Variants in GLI2 observed in about 807,000 individuals in gnomAD.
The protein encoded by GLI2 is GLI family zinc finger 2.
A neutral mutation model predicts 78.9 loss-of-function variants in GLI2; 22 were observed. That is an observed-to-expected ratio of 0.28 (90% CI 0.20 to 0.40). The LOEUF (loss-of-function observed/expected upper bound fraction) is 0.40. Ranked by LOEUF, GLI2 falls within the 10% of genes least tolerant of loss-of-function variation. The pLI is 1.00. For synonymous variants in GLI2, 974 were observed against 963.7 expected, an observed-to-expected ratio of 1.01 and a Z score of -0.20; for missense variants, 2,097 against 2,213.2, an observed-to-expected ratio of 0.95 and a Z score of 1.05.
At chr2:120,935,054 CACGA>C (rs1680127995) in intron 3 of GLI2, among the ~76,000 whole-genome samples, 1 of 152,198 alleles carries the variant, frequency 6.6e-6, no homozygotes, top group Admixed American at 6.5e-5. Context: ...ACCCGAGGTT[CACGA>C]TTCATAGAGG....
At position 120,988,649 on chromosome 2, in the gene GLI2, G is replaced by T. The variant is rs1452643743; in HGVS notation, c.2684G>T (p.Ser895Ile). 2 of 1,423,770 alleles carry T rather than the reference G, an allele frequency of 1.4e-6. No homozygotes were observed. The highest frequency in any genetic ancestry group is 2.8e-5 in the Admixed American group (1 of 36,004). The allele number at this position is 1,423,770 out of a possible 1,614,324, so 88.2% of individuals were successfully genotyped here. The change falls in exon 14 of 14, where the codon AGC becomes ATC. Residue 895 changes from serine (S) to isoleucine (I), a missense_variant. Around this residue, in one of 5 missense-constraint regions of GLI2, gnomAD observed 1,290 missense variants for 1,261.7 expected, o/e 1.02. Coordinates refer to ENST00000361492, the MANE Select transcript of GLI2 (RefSeq NM_001374353.1). ...PTPLPGLERM[S>I]LRTRLALLDA... ...CCGCTGCCGGGCCTGGAGCGCATGA[G>T]CCTGCGGACCAGGCTGGCGCTGCTG...
intron 5 of GLI2, among the ~76,000 whole-genome samples, chr2:120,968,285 A>G (rs1474681439): frequency 6.6e-6 from 1 of 152,174 alleles, no homozygotes; most frequent in Non-Finnish European, 1.5e-5. Flanking sequence ...GCCTGTGGAC[A>G]ATGGCCAAGC....
Position 120,990,334 on chromosome 2 carries a change from C to T in GLI2, c.4369C>T (p.Pro1457Ser). The change falls in exon 14 of 14, where the codon CCA (proline) becomes TCA (serine). Residue 1457 changes from proline (P) to serine (S), a missense_variant. This residue lies in a region of GLI2 where 1,290 missense variants were observed against 1,261.7 expected (regional missense o/e 1.02). Transcript: ENST00000361492. ...GSCQVMRSQP[P>S]QPQACQDSIQ... is the part of the protein sequence containing the mutation. Reference sequence around the variant, plus strand: ...CTGCCAGGTCATGCGGTCCCAGCCACCACAGCCACAGGCCTGTCAGGACAG... The same window carrying T: ...CTGCCAGGTCATGCGGTCCCAGCCATCACAGCCACAGGCCTGTCAGGACAG... The T allele has an allele frequency of 6.2e-7, 1 of 1,613,916 alleles. No homozygotes were observed. The highest frequency in any genetic ancestry group is 1.1e-5 in the South Asian group (1 of 91,088).
chr2:120,889,601 G>C (rs1024095350), intron 2 of GLI2, among the ~76,000 whole-genome samples: 7 of 152,118 alleles, frequency 4.6e-5, no homozygotes, highest in African/African-American at 1.7e-4. Context: ...CAAGGGACTA[G>C]TACATAGAAT....
intron 2 of GLI2, among the ~76,000 whole-genome samples, chr2:120,901,430 G>C (rs1007947463): frequency 1.4e-4 from 21 of 152,168 alleles, no homozygotes; most frequent in Non-Finnish European, 2.8e-4. Context: ...CATCTGTTTG[G>C]CCGGCCCATA....
chr2:120,844,077 A>G (rs1332474172), intron 2 of GLI2, among the ~76,000 whole-genome samples: 1 of 152,138 alleles, frequency 6.6e-6, no homozygotes, highest in East Asian at 1.9e-4. Context: ...TGATGTCACC[A>G]AAGAACCCTG....
At position 120,927,474 on chromosome 2, in the gene GLI2, C is replaced by G; in HGVS notation, c.254+8C>G. 6.4e-7 allele frequency: 1 copy of G among 1,573,586 alleles called. No homozygotes were observed. Among genetic ancestry groups the G allele is most frequent in the Non-Finnish European group, 8.7e-7 (1 of 1,143,156 alleles). ...TGTCCACGGTGTGCACGGGTAAGTC[C>G]TGCCCTCTGCCTGCTGCTCCTGGCG... is the stretch of plus-strand genomic sequence containing the variant. On this transcript the variant is annotated splice_region_variant and intron_variant, in intron 3 of 13. Transcript: ENST00000361492.
intron 2 of GLI2, among the ~76,000 whole-genome samples, chr2:120,863,708 T>C (rs1210015718): frequency 6.6e-6 from 1 of 152,244 alleles, no homozygotes; most frequent in Non-Finnish European, 1.5e-5. Context: ...CATTGATTTA[T>C]AATATGTCGA....
At chr2:120,836,491 C>G (rs1448188891) in intron 2 of GLI2, among the ~76,000 whole-genome samples, 2 of 152,224 alleles carry the variant, frequency 1.3e-5, no homozygotes, top group Non-Finnish European at 2.9e-5. Context: ...AGGTAATTTA[C>G]ATTATTTACA....
Position 120,988,849 on chromosome 2 carries a change from C to T in GLI2, c.2884C>T (p.Leu962=), listed in dbSNP as rs1345329176. 6.7e-6 allele frequency: 10 copies of T among 1,488,880 alleles called. No individual in the cohort carries two copies. In the Middle Eastern group the frequency reaches 7.6e-4, roughly 113 times the overall value. 92.2% of individuals were successfully genotyped at this position (1,488,880 alleles called of 1,614,324 possible). A position where few individuals can be genotyped will look rare whatever the true frequency, so the allele number is the denominator to read the frequency against. ...ASDPVRRPDA[L]SLPRVQRFHS... Reference sequence around the variant, plus strand: ...CGACCCTGTGCGGCGGCCCGATGCCCTGTCCCTGCCGCGGGTGCAGCGCTT... The same window carrying T: ...CGACCCTGTGCGGCGGCCCGATGCCTTGTCCCTGCCGCGGGTGCAGCGCTT... Residue 962 remains leucine (L), a synonymous_variant, in exon 14 of 14, where the codon CTG becomes TTG. Coordinates refer to ENST00000361492, the MANE Select transcript of GLI2 (RefSeq NM_001374353.1).
Position 120,736,302 on chromosome 2 carries a change from C to A in GLI2, c.-31+17C>A, listed in dbSNP as rs966818485. The A allele has an allele frequency of 6.6e-6, 1 of 152,016 alleles. No individual in the cohort carries two copies. The highest frequency in any genetic ancestry group is 2.4e-5 in the African/African-American group (1 of 41,390). 9.4% of individuals were successfully genotyped at this position (152,016 alleles called of 1,614,324 possible). On this transcript the variant is annotated intron_variant, in intron 1 of 13. Transcript: ENST00000361492. Reference sequence around the variant, plus strand: ...TCTCTCTCGGTAAAGTTGCATTGGCCTTCTTTTGCTTGCTTTTCGTGACGA... The same window carrying A: ...TCTCTCTCGGTAAAGTTGCATTGGCATTCTTTTGCTTGCTTTTCGTGACGA...
rs1271650636 is a variant in GLI2, at chr2:120,874,451, C to T, written c.149-52910C>T. Among the ~76,000 whole-genome samples, 4 of 152,240 alleles carry T rather than the reference C, an allele frequency of 2.6e-5. No individual in the cohort carries two copies. In the East Asian group the frequency reaches 7.7e-4, roughly 29 times the overall value. On this transcript the variant is annotated intron_variant, in intron 2 of 13. Coordinates refer to ENST00000361492, the MANE Select transcript of GLI2 (RefSeq NM_001374353.1). ...ACTGCAGCTCACCCATCAGCCGCAG[C>T]CCCCGTCTGTGCGCAGAGCCCTAGC...
chr2:120,984,266 C>T (rs917380106), intron 11 of GLI2, among the ~76,000 whole-genome samples: 8 of 152,180 alleles, frequency 5.3e-5, no homozygotes, highest in Non-Finnish European at 1.2e-4. Context: ...ACTGCATGAA[C>T]AGGTGCAGAC....
At chr2:120,832,460 CT>C (rs1686411163) in intron 2 of GLI2, among the ~76,000 whole-genome samples, 1 of 151,998 alleles carries the variant, frequency 6.6e-6, no homozygotes, top group Non-Finnish European at 1.5e-5. Flanking sequence ...CTGATGCGGC[CT>C]GAGCCTGGGC....
chr2:120,836,869 G>A (rs775225794), intron 2 of GLI2, among the ~76,000 whole-genome samples: 8 of 152,202 alleles, frequency 5.3e-5, no homozygotes, highest in Non-Finnish European at 1.0e-4. Flanking sequence ...CTCCAAAGTG[G>A]CTGCACAGTT....
chr2:120,816,807 G>C (rs1315835553), intron 2 of GLI2, among the ~76,000 whole-genome samples: 1 of 152,192 alleles, frequency 6.6e-6, no homozygotes, highest in East Asian at 1.9e-4. Context: ...GTCTAATACA[G>C]ATCTAGAGAT....
intron 3 of GLI2, among the ~76,000 whole-genome samples, chr2:120,928,423 G>A (rs189463381): frequency 7.6e-4 from 115 of 152,214 alleles, no homozygotes; most frequent in African/African-American, 2.7e-3. Context: ...CACTGAGCGG[G>A]GGCTGCTGCC....
intron 7 of GLI2, 129 bp from the exon 8 acceptor site, chr2:120,971,812 C>G (rs1028148168): frequency 9.6e-6 from 8 of 835,770 alleles, no homozygotes; most frequent in Non-Finnish European, 1.6e-5. Context: ...GACTCTATTT[C>G]TGATACTTTA....
rs1311823183 is a variant in GLI2, at chr2:120,879,048, C to T, written c.149-48313C>T. ...CGAGCATGGAGAGGATAGTGTGTGT[C>T]TCCTCCGGCATTGCCCCGTGGGGTT... is the stretch of plus-strand genomic sequence containing the variant. On this transcript the variant is annotated intron_variant, in intron 2 of 13. Transcript: ENST00000361492. Among the ~76,000 whole-genome samples the T allele has an allele frequency of 2.0e-5, 3 of 152,314 alleles. No individual in the cohort carries two copies. The East Asian group carries it at 5.8e-4, about 29-fold the overall frequency.
Sources: allele counts gnomAD v4.1 joint callset (sites outside exome capture counted in the v4.1 genomes callset), GRCh38; gene constraint gnomAD v4.1.1; regional missense constraint gnomAD v4.1.1; transcripts MANE v1.5; gene names NCBI Gene and HGNC (gene_info 2026-07-23, HGNC 2026-07-21).